ARHGEF17: variants seen among roughly 807,000 people sequenced by gnomAD.
ARHGEF17 encodes the protein Rho guanine nucleotide exchange factor 17, also known as 164 kDa Rho-specific guanine-nucleotide exchange factor.
A neutral mutation model predicts 174.0 loss-of-function variants in ARHGEF17; 80 were observed. The ratio of observed to expected loss-of-function variants is 0.46; its 90% CI spans 0.38 to 0.55. The LOEUF (loss-of-function observed/expected upper bound fraction) is 0.55. ARHGEF17 is among the 20% of genes least tolerant of loss of function. ARHGEF17 has a pLI of 0.00. For synonymous variants in ARHGEF17, 1,311 were observed against 1,189.1 expected (o/e 1.10, Z -2.11); for missense variants, 2,886 against 2,839.7 (o/e 1.02, Z -0.37).
In ARHGEF17 at chr11:73,369,082, G is replaced by T. The variant is rs960339621; in HGVS notation, c.*1302G>T. 45 of 152,472 alleles carry T rather than the reference G, an allele frequency of 3.0e-4. No individual in the cohort carries two copies. The highest frequency in any genetic ancestry group is 1.1e-3 in the African/African-American group (44 of 41,460). The allele number at this position is 152,472 out of a possible 1,614,324, so 9.4% of individuals were successfully genotyped here. ...AAAGAGTCAATAAATAGAAACACCA[G>T]ATGACTGCATTGGTGGCCACAGTGG... On this transcript the variant is annotated 3_prime_UTR_variant, in exon 21 of 21. Coordinates refer to ENST00000263674, the MANE Select transcript of ARHGEF17 (RefSeq NM_014786.4).
Position 73,367,876 on chromosome 11 carries a change from G to A in ARHGEF17, c.*96G>A, listed in dbSNP as rs965713175. On this transcript the variant is annotated 3_prime_UTR_variant, in exon 21 of 21. Transcript: ENST00000263674. ...CGCAGACTTTGACCAGGAGTATCCA[G>A]CCAGGGGCACACATGTGCCTGCGTG... 3 of 1,337,120 alleles carry A rather than the reference G, an allele frequency of 2.2e-6. No individual in the cohort carries two copies. The African/African-American group carries it at 4.3e-5, about 19-fold the overall frequency. The allele number at this position is 1,337,120 out of a possible 1,614,324, so 82.8% of individuals were successfully genotyped here.
At chr11:73,332,417 T>A in intron 1 of ARHGEF17, among the ~76,000 whole-genome samples, 1 of 145,234 alleles carries the variant, frequency 6.9e-6, no homozygotes. Context: ...GTATTTTAAA[T>A]AACATTGAGA....
At chr11:73,360,960 G>A in intron 11 of ARHGEF17, 128 bp from the exon 12 acceptor site, 1 of 706,722 alleles carries the variant, frequency 1.4e-6, no homozygotes, top group Non-Finnish European at 2.4e-6. Flanking sequence ...TAATGTGGCT[G>A]GGATCAGGCC....
intron 1 of ARHGEF17, among the ~76,000 whole-genome samples, chr11:73,317,571 G>A (rs1405493973): frequency 6.6e-6 from 1 of 152,222 alleles, no homozygotes; most frequent in Non-Finnish European, 1.5e-5. Context: ...TGAAGCCCTG[G>A]CGTACTTACT....
At chr11:73,315,906 G>A (rs1048453795) in intron 1 of ARHGEF17, among the ~76,000 whole-genome samples, 1 of 152,138 alleles carries the variant, frequency 6.6e-6, no homozygotes, top group African/African-American at 2.4e-5. Flanking sequence ...CCCTCTCCCC[G>A]TGTAGGGACT....
intron 1 of ARHGEF17, among the ~76,000 whole-genome samples, chr11:73,330,142 G>A (rs1307555882): frequency 6.6e-6 from 1 of 152,076 alleles, no homozygotes; most frequent in Non-Finnish European, 1.5e-5. Context: ...CAGTTTCTAG[G>A]AACCTTTTAA....
At chr11:73,330,999 G>A (rs1865195001) in intron 1 of ARHGEF17, among the ~76,000 whole-genome samples, 1 of 152,196 alleles carries the variant, frequency 6.6e-6, no homozygotes, top group African/African-American at 2.4e-5. Context: ...CTAGGGGTGG[G>A]CACATTACCT....
At position 73,362,684 on chromosome 11, in the gene ARHGEF17, G is replaced by A. The variant is rs1399219435; in HGVS notation, c.4946G>A (p.Gly1649Glu). 2 of 1,610,072 alleles carry A rather than the reference G, an allele frequency of 1.2e-6. No homozygotes were observed. ...SDDESSPSPS[G>E]TLQSQASRST... ...GATGAGTCTTCGCCCAGCCCCTCGGGGACGCTGCAGAGCCAGGCCAGCCGG... is the reference window on the plus strand; with the variant it reads ...GATGAGTCTTCGCCCAGCCCCTCGGAGACGCTGCAGAGCCAGGCCAGCCGG... Residue 1649 changes from glycine (G) to glutamate (E), a missense_variant, in exon 14 of 21, where the codon GGG (glycine) becomes GAG (glutamate). By Grantham distance (98) the Gly-to-Glu change is moderately conservative. Coordinates refer to ENST00000263674, the MANE Select transcript of ARHGEF17 (RefSeq NM_014786.4).
At chr11:73,333,814 T>G (rs889841652) in intron 1 of ARHGEF17, among the ~76,000 whole-genome samples, 1 of 152,212 alleles carries the variant, frequency 6.6e-6, no homozygotes, top group Non-Finnish European at 1.5e-5. Context: ...CTAGCTCAGC[T>G]GACTGTCTGC....
chr11:73,354,332 G>C (rs1043667096), intron 3 of ARHGEF17, among the ~76,000 whole-genome samples: 18 of 152,188 alleles, frequency 1.2e-4, no homozygotes, highest in African/African-American at 4.3e-4. Flanking sequence ...TCCCAGGGTG[G>C]GGGTGGTTGG....
chr11:73,366,245 A>C (rs912559888), intron 20 of ARHGEF17, among the ~76,000 whole-genome samples: 1 of 152,216 alleles, frequency 6.6e-6, no homozygotes, highest in Non-Finnish European at 1.5e-5. Context: ...CACAAATAGA[A>C]TATGTATATA....
At chr11:73,335,159 G>A (rs948198407) in intron 1 of ARHGEF17, among the ~76,000 whole-genome samples, 28 of 152,268 alleles carry the variant, frequency 1.8e-4, no homozygotes, top group African/African-American at 6.7e-4. Flanking sequence ...CCCTAAAGCA[G>A]GAGTTGCCAG....
chr11:73,315,060 A>G (rs1025261480), intron 1 of ARHGEF17, among the ~76,000 whole-genome samples: 11 of 152,336 alleles, frequency 7.2e-5, no homozygotes, highest in Admixed American at 7.2e-4. Context: ...TTCAACTGTG[A>G]AAGCTGTGGA....
rs149840079 is a variant in ARHGEF17, at chr11:73,355,919, T to A, written c.3629T>A (p.Val1210Glu). 6.2e-7 allele frequency: 1 copy of A among 1,614,200 alleles called. No individual in the cohort carries two copies. Among genetic ancestry groups the A allele is most frequent in the South Asian group, 1.1e-5 (1 of 91,090 alleles). ...QALSDLMIKP[V>E]QRIPRYELLV... ...CTGTCTGACCTCATGATCAAGCCTGTGCAGCGGATCCCACGCTACGAGCTT... is the reference window on the plus strand; with the variant it reads ...CTGTCTGACCTCATGATCAAGCCTGAGCAGCGGATCCCACGCTACGAGCTT... The change falls in exon 5 of 21, where the codon GTG (valine) becomes GAG (glutamate). Residue 1210 changes from valine to glutamate, a missense_variant. Physicochemically the swap from Val to Glu is moderately radical, Grantham distance 121 (BLOSUM62 -2). Transcript: ENST00000263674.
At chr11:73,359,031 C>T (rs907653481) in intron 9 of ARHGEF17, among the ~76,000 whole-genome samples, 2 of 152,204 alleles carry the variant, frequency 1.3e-5, no homozygotes, top group Non-Finnish European at 2.9e-5. Flanking sequence ...GGTCACAGGG[C>T]CACTTCAGAC....
At chr11:73,347,716 G>T (rs1319180900) in intron 2 of ARHGEF17, among the ~76,000 whole-genome samples, 3 of 152,254 alleles carry the variant, frequency 2.0e-5, no homozygotes, top group Admixed American at 1.3e-4. Context: ...TGGATGATCA[G>T]CGAAGGGCTT....
rs1864739881 is a variant in ARHGEF17, at chr11:73,308,799, CCT to C, written c.165_166del (p.Arg56AlafsTer90). On this transcript the variant is annotated frameshift_variant, in exon 1 of 21. Transcript: ENST00000263674. LOFTEE classifies it high-confidence loss of function. ...CCGACCACGGCTGCCCGGGGCCAGC[CCT>C]CTCGGCGCGTGTCCAAGCTGGCGTC... 2 of 1,365,990 alleles carry C rather than the reference CCT, an allele frequency of 1.5e-6. No individual in the cohort carries two copies. Among genetic ancestry groups the C allele is most frequent in the African/African-American group, 1.5e-5 (1 of 65,276 alleles). 84.6% of individuals were successfully genotyped at this position (1,365,990 alleles called of 1,614,324 possible).
At chr11:73,320,640 A>AAG (rs1865002530) in intron 1 of ARHGEF17, among the ~76,000 whole-genome samples, 1 of 151,052 alleles carries the variant, frequency 6.6e-6, no homozygotes, top group African/African-American at 2.4e-5. Context: ...AAAAAAAAAA[A>AAG]AAAAAAAAAA....
At chr11:73,351,872 C>T (rs999526785) in intron 2 of ARHGEF17, among the ~76,000 whole-genome samples, 4 of 152,146 alleles carry the variant, frequency 2.6e-5, no homozygotes, top group Admixed American at 6.5e-5. Context: ...CTTGAGCCAC[C>T]GCGCCCTGCC....
Sources: gnomAD v4.1 joint callset for allele counts (sites outside exome capture counted in the v4.1 genomes callset) on GRCh38, gnomAD v4.1.1 for gene constraint, MANE v1.5 for transcripts, NCBI Gene and HGNC (gene_info 2026-07-23, HGNC 2026-07-21) for gene names.